The following USH2A variants were observed in gnomAD, a reference collection of about 807,000 sequenced individuals.
USH2A encodes Usher syndrome 2A (autosomal recessive, mild).
In USH2A, 443 loss-of-function variants were observed where a neutral mutation model predicts 538.9. The observed-to-expected ratio is 0.82, with a 90% confidence interval of 0.76 to 0.89. USH2A has a LOEUF of 0.89. Among genes scored for constraint, USH2A ranks in the 40% least tolerant of loss-of-function variants. The pLI, the probability that USH2A is intolerant of heterozygous loss-of-function variation, is 0.00. For missense variants in USH2A, 6,633 were observed against 6,324.8 expected (o/e 1.05, Z -1.65); for synonymous variants, 2,413 against 2,273.5 (o/e 1.06, Z -1.75).
intron 15 of USH2A, among the ~76,000 whole-genome samples, chr1:216,209,721 A>C (rs2035197866): frequency 6.6e-6 from 1 of 152,188 alleles, no homozygotes; most frequent in East Asian, 1.9e-4. Context: ...TTGGTGACTA[A>C]CACAATAAGC....
intron 4 of USH2A, among the ~76,000 whole-genome samples, chr1:216,337,925 T>C (rs1035044856): frequency 6.6e-6 from 1 of 151,272 alleles, no homozygotes; most frequent in Non-Finnish European, 1.5e-5. Flanking sequence ...ACCAAAACCT[T>C]GAGATACCTA....
At chr1:216,284,094 TATATATAC>T (rs2036836839) in intron 11 of USH2A, among the ~76,000 whole-genome samples, 1 of 152,168 alleles carries the variant, frequency 6.6e-6, no homozygotes, top group African/African-American at 2.4e-5. Flanking sequence ...TCTCTCTCTA[TATATATAC>T]ATATATACAC....
intron 60 of USH2A, among the ~76,000 whole-genome samples, chr1:215,729,593 A>G (rs973497601): frequency 1.4e-5 from 2 of 148,046 alleles, no homozygotes; most frequent in South Asian, 2.1e-4. Flanking sequence ...AAATAACATG[A>G]TAAGTAATAT....
At chr1:216,021,223 C>T (rs993483106) in intron 32 of USH2A, among the ~76,000 whole-genome samples, 1 of 152,134 alleles carries the variant, frequency 6.6e-6, no homozygotes, top group African/African-American at 2.4e-5. Context: ...TGTCCCTGCC[C>T]AGATCTCATC....
At chr1:215,880,955 A>G (rs1450637527) in intron 41 of USH2A, among the ~76,000 whole-genome samples, 2 of 152,106 alleles carry the variant, frequency 1.3e-5, no homozygotes, top group African/African-American at 4.8e-5. Flanking sequence ...AAATACCAAA[A>G]ATCACCTGGG....
chr1:215,880,912 T>C (rs1006531816), intron 41 of USH2A, among the ~76,000 whole-genome samples: 2 of 152,152 alleles, frequency 1.3e-5, no homozygotes, highest in African/African-American at 4.8e-5. Context: ...AAGTCTTTAA[T>C]CCATCTTGAA....
Position 216,175,398 on chromosome 1 carries a change from T to G in USH2A, c.4481A>C (p.Asn1494Thr). Residue 1494 changes from asparagine to threonine, a missense_variant, in exon 21 of 72, where the codon AAT becomes ACT. Transcript: ENST00000307340. ...HLRWFPPEEL[N>T]GPSPIYQLER... is the part of the protein sequence containing the mutation. The stretch of plus-strand genomic sequence containing the variant: ...CAGCTGATATATAGGAGAGGGTCCA[T>G]TCAGTTCTTCAGGTGGAAACCACCT... 1 of 1,613,778 alleles carries G rather than the reference T, an allele frequency of 6.2e-7. No homozygotes were observed. The highest frequency in any genetic ancestry group is 8.5e-7 in the Non-Finnish European group (1 of 1,179,858).
chr1:215,767,000 C>G (rs1272958264), intron 55 of USH2A, among the ~76,000 whole-genome samples: 1 of 152,104 alleles, frequency 6.6e-6, no homozygotes, highest in East Asian at 1.9e-4. Flanking sequence ...AATTCTCAGC[C>G]ATAGAAAAGA....
intron 44 of USH2A, among the ~76,000 whole-genome samples, chr1:215,853,727 A>G (rs1417249457): frequency 6.6e-6 from 1 of 152,138 alleles, no homozygotes; most frequent in Non-Finnish European, 1.5e-5. Flanking sequence ...AGTTCCACAA[A>G]TCTCTAGGGC....
intron 21 of USH2A, among the ~76,000 whole-genome samples, chr1:216,166,752 C>T (rs1029217514): frequency 6.6e-6 from 1 of 151,952 alleles, no homozygotes; most frequent in Non-Finnish European, 1.5e-5. Context: ...GAACAGGTTT[C>T]AGGAGAGGAA....
chr1:215,986,433 CA>C (rs1667876988), intron 35 of USH2A, among the ~76,000 whole-genome samples: 1 of 151,568 alleles, frequency 6.6e-6, no homozygotes, highest in African/African-American at 2.4e-5. Context: ...AGGGGTGAGC[CA>C]CCACGCCCAG....
intron 38 of USH2A, among the ~76,000 whole-genome samples, chr1:215,934,358 G>T (rs1666438222): frequency 6.6e-6 from 1 of 151,832 alleles, no homozygotes; most frequent in South Asian, 2.1e-4. Context: ...GTGTGTGTGT[G>T]TATGTGTGTA....
intron 3 of USH2A, among the ~76,000 whole-genome samples, chr1:216,383,301 A>T (rs79446887): frequency 6.6e-6 from 1 of 152,216 alleles, no homozygotes; most frequent in Non-Finnish European, 1.5e-5. Flanking sequence ...CAGAAGGTAC[A>T]TCACTGGCCA....
Position 215,786,801 on chromosome 1 carries a change from T to G in USH2A, c.10256A>C (p.Asn3419Thr), listed in dbSNP as rs762712386. The G allele has an allele frequency of 3.1e-6, 5 of 1,613,494 alleles. No individual in the cohort carries two copies. In the Admixed American group the frequency reaches 8.3e-5, roughly 27 times the overall value. Residue 3419 changes from asparagine to threonine, a missense_variant, in exon 52 of 72, where the codon AAC (asparagine) becomes ACC (threonine). Coordinates refer to ENST00000307340, the MANE Select transcript of USH2A (RefSeq NM_206933.4). ...ATEHCGRCDF[N>T]FTSHICTVIR... The stretch of plus-strand genomic sequence containing the variant: ...CACAGTGCAAATGTGGCTGGTAAAG[T>G]TGAAGTCACACCTGCCACAATGTTC...
At chr1:215,685,347 TG>T (rs1163963032) in intron 61 of USH2A, among the ~76,000 whole-genome samples, 1 of 98,384 alleles carries the variant, frequency 1.0e-5, no homozygotes, top group African/African-American at 3.5e-5. Context: ...TTTTTTTTGT[TG>T]TTGTTGTTTT....
At chr1:215,943,953 A>G (rs1666698025) in intron 37 of USH2A, among the ~76,000 whole-genome samples, 1 of 152,196 alleles carries the variant, frequency 6.6e-6, no homozygotes, top group Non-Finnish European at 1.5e-5. Flanking sequence ...CTGTTTGTTA[A>G]CATTGGTTAT....
intron 35 of USH2A, among the ~76,000 whole-genome samples, chr1:215,978,009 C>T (rs1374005029): frequency 1.3e-5 from 2 of 152,092 alleles, no homozygotes; most frequent in Non-Finnish European, 2.9e-5. Flanking sequence ...TGCCTGTGGT[C>T]CTGGCTATTT....
rs41303259 is a variant in USH2A at position 215,625,000 on chromosome 1, T to A, written c.*781A>T. The A allele has an allele frequency of 1.3e-5, 2 of 152,158 alleles. No individual in the cohort carries two copies. The highest frequency in any genetic ancestry group is 2.9e-5 in the Non-Finnish European group (2 of 68,020). The allele number at this position is 152,158 out of a possible 1,614,324, so 9.4% of individuals were successfully genotyped here. On this transcript the variant is annotated 3_prime_UTR_variant, in exon 72 of 72. Transcript: ENST00000307340. Reference sequence around the variant, plus strand: ...AAACTAGTTTCAAAACTATAAAATATATGAAATAAAAACATTGGTTCAAGT... The same window carrying A: ...AAACTAGTTTCAAAACTATAAAATAAATGAAATAAAAACATTGGTTCAAGT...
intron 8 of USH2A, 145 bp from the exon 9 acceptor site, chr1:216,322,121 C>T (rs1005011378): frequency 3.6e-5 from 29 of 799,654 alleles, no homozygotes; most frequent in South Asian, 2.3e-4. Flanking sequence ...TCTCCTTAAT[C>T]GTGTGGATAT....
Sources: allele counts gnomAD v4.1 joint callset (sites outside exome capture counted in the v4.1 genomes callset), GRCh38; gene constraint gnomAD v4.1.1; transcripts MANE v1.5; gene names NCBI Gene and HGNC (gene_info 2026-07-23, HGNC 2026-07-21).